The following MTMR7 variants were observed in gnomAD, a reference collection of about 807,000 sequenced individuals.
MTMR7 encodes myotubularin related protein 7.
A neutral mutation model predicts 81.2 loss-of-function variants in MTMR7; 76 were observed. The observed-to-expected ratio is 0.94, with a 90% CI of 0.78 to 1.13. The LOEUF (loss-of-function observed/expected upper bound fraction) is 1.13, where lower values mean the gene tolerates loss of function less well. MTMR7 is among the 50% of genes most tolerant of loss of function. The pLI, the probability that MTMR7 is intolerant of heterozygous loss-of-function variation, is 0.00. For synonymous variants in MTMR7, 372 were observed against 289.8 expected (o/e 1.28, Z -2.88); for missense variants, 1,044 against 820.0 (o/e 1.27, Z -3.34).
At chr8:17,353,421 G>A (rs147803999) in intron 4 of MTMR7, among the ~76,000 whole-genome samples, 1 of 151,942 alleles carries the variant, frequency 6.6e-6, no homozygotes, top group Admixed American at 6.6e-5. Flanking sequence ...GACTAAGATG[G>A]CAAACTTTAC....
intron 1 of MTMR7, among the ~76,000 whole-genome samples, chr8:17,393,206 G>T (rs191641616): frequency 1.3e-5 from 2 of 152,198 alleles, no homozygotes; most frequent in African/African-American, 2.4e-5. Flanking sequence ...ATGCTGCTGC[G>T]ACAACTGGAC....
chr8:17,384,797 GAACGTC>G (rs1226764555), intron 1 of MTMR7, among the ~76,000 whole-genome samples: 2 of 152,170 alleles, frequency 1.3e-5, no homozygotes, highest in African/African-American at 4.8e-5. Flanking sequence ...GAGAAATAAA[GAACGTC>G]AACTGTTTTT....
intron 1 of MTMR7, among the ~76,000 whole-genome samples, chr8:17,393,656 C>T (rs1017018040): frequency 1.3e-5 from 2 of 151,856 alleles, no homozygotes; most frequent in African/African-American, 2.4e-5. Context: ...GATGAGAACA[C>T]GTGGACACAT....
chr8:17,375,774 G>A (rs58383471), intron 1 of MTMR7, among the ~76,000 whole-genome samples: 4,222 of 152,126 alleles, frequency 0.028, 191 homozygotes, highest in African/African-American at 0.096. Context: ...ATAATGTGTT[G>A]CTTCCTTTCC....
chr8:17,403,643 T>G (rs1029671626), intron 1 of MTMR7, among the ~76,000 whole-genome samples: 2 of 152,142 alleles, frequency 1.3e-5, no homozygotes, highest in African/African-American at 4.8e-5. Context: ...GATTGTAAAT[T>G]TGTAGATTGC....
chr8:17,301,375 G>A (rs560338726), intron 13 of MTMR7, among the ~76,000 whole-genome samples: 1 of 152,166 alleles, frequency 6.6e-6, no homozygotes, highest in Non-Finnish European at 1.5e-5. Flanking sequence ...ATTTAAACTT[G>A]GACATTCTGG....
At chr8:17,381,766 T>G (rs1269849831) in intron 1 of MTMR7, among the ~76,000 whole-genome samples, 1 of 152,220 alleles carries the variant, frequency 6.6e-6, no homozygotes, top group African/African-American at 2.4e-5. Context: ...CAAGTTTATG[T>G]TCTAATCTAA....
intron 7 of MTMR7, among the ~76,000 whole-genome samples, chr8:17,327,771 T>C (rs1818764166): frequency 6.6e-6 from 1 of 152,224 alleles, no homozygotes; most frequent in Non-Finnish European, 1.5e-5. Flanking sequence ...TTGTAAAAAA[T>C]TGGGTGGCAA....
At position 17,361,114 on chromosome 8, in the gene MTMR7, C is replaced by T; in HGVS notation, c.468+3G>A. Reference sequence around the variant, plus strand: ...CTTCAGTGTTTGGGTTTCACGCACTCACTCTGTAGTCTCTATTCACATCGC... The same window carrying T: ...CTTCAGTGTTTGGGTTTCACGCACTTACTCTGTAGTCTCTATTCACATCGC... On this transcript the variant is annotated splice_donor_region_variant and intron_variant, in intron 4 of 13. Coordinates refer to ENST00000180173, the MANE Select transcript of MTMR7 (RefSeq NM_004686.5). 1 of 1,614,094 alleles carries T rather than the reference C, an allele frequency of 6.2e-7. No individual in the cohort carries two copies. Among genetic ancestry groups the T allele is most frequent in the Non-Finnish European group, 8.5e-7 (1 of 1,180,010 alleles).
chr8:17,382,963 C>T (rs1416365956), intron 1 of MTMR7, among the ~76,000 whole-genome samples: 1 of 152,240 alleles, frequency 6.6e-6, no homozygotes, highest in African/African-American at 2.4e-5. Flanking sequence ...GTAAGAAGCA[C>T]TCACAGGGCA....
intron 7 of MTMR7, 53 bp from the exon 8 acceptor site, chr8:17,313,454 C>T: frequency 1.7e-6 from 2 of 1,161,036 alleles, no homozygotes; most frequent in South Asian, 1.4e-5. Flanking sequence ...TCTCATTTTA[C>T]ATATGATCAT....
intron 6 of MTMR7, among the ~76,000 whole-genome samples, chr8:17,331,808 T>C (rs1819017927): frequency 6.6e-6 from 1 of 152,168 alleles, no homozygotes; most frequent in Admixed American, 6.5e-5. Context: ...TGAGCAGGAA[T>C]TACTGAATAA....
At position 17,361,263 on chromosome 8, in the gene MTMR7, C is replaced by T. The variant is rs761924224; in HGVS notation, c.322G>A (p.Glu108Lys). ...IRLARPVKYE[E>K]LYCFSFNPML... ...GGGTTGAATGAAAAGCAGTATAACT[C>T]CTCATATTTCACTGCAAGAAAAGGT... is the stretch of plus-strand genomic sequence containing the variant. The change falls in exon 4 of 14, where the codon GAG (glutamate) becomes AAG (lysine). Residue 108 changes from glutamate (E) to lysine (K), a missense_variant. By Grantham distance (56) the Glu-to-Lys change is moderately conservative. Coordinates refer to ENST00000180173, the MANE Select transcript of MTMR7 (RefSeq NM_004686.5). 3.1e-6 allele frequency: 5 copies of T among 1,614,114 alleles called. No individual in the cohort carries two copies. Among genetic ancestry groups the T allele is most frequent in the Non-Finnish European group, 3.4e-6 (4 of 1,179,986 alleles).
intron 1 of MTMR7, among the ~76,000 whole-genome samples, chr8:17,374,665 T>C (rs1036694119): frequency 2.0e-5 from 3 of 151,872 alleles, no homozygotes; most frequent in Non-Finnish European, 4.4e-5. Context: ...GCATAAAAAC[T>C]AGCCTGGGGT....
At chr8:17,344,904 C>T (rs903717933) in intron 5 of MTMR7, among the ~76,000 whole-genome samples, 2 of 152,006 alleles carry the variant, frequency 1.3e-5, no homozygotes, top group Non-Finnish European at 1.5e-5. Flanking sequence ...AGTTTTGTTT[C>T]CTCGAAATGT....
rs76132583 is a variant in MTMR7 at position 17,383,966 on chromosome 8, A to C, written c.25-10726T>G. Among the ~76,000 whole-genome samples, 621 of 152,310 alleles carry C rather than the reference A, an allele frequency of 4.1e-3. 6 individuals carry two copies. Among genetic ancestry groups the C allele is most frequent in the African/African-American group, 0.014 (579 of 41,570 alleles). The stretch of plus-strand genomic sequence containing the variant: ...ATATAGAAATTCTCAAGTCATTTTT[A>C]TTTATGACAGGTGTCACTGTCTGTA... On this transcript the variant is annotated intron_variant, in intron 1 of 13. Transcript: ENST00000180173.
chr8:17,325,890 G>C (rs544561781), intron 7 of MTMR7, among the ~76,000 whole-genome samples: 1 of 152,138 alleles, frequency 6.6e-6, no homozygotes, highest in African/African-American at 2.4e-5. Flanking sequence ...GCCCATCAAC[G>C]TATCCATTTC....
intron 1 of MTMR7, among the ~76,000 whole-genome samples, chr8:17,392,403 T>C (rs1178064453): frequency 1.3e-5 from 2 of 152,196 alleles, no homozygotes; most frequent in Non-Finnish European, 2.9e-5. Context: ...CTCACAAGCA[T>C]ATAAATGTTT....
chr8:17,305,332 T>C (rs1817380883), intron 11 of MTMR7, among the ~76,000 whole-genome samples: 1 of 152,248 alleles, frequency 6.6e-6, no homozygotes, highest in African/African-American at 2.4e-5. Context: ...TATCTACTTT[T>C]ACCCTTGGAT....
Sources: gnomAD v4.1 joint callset for allele counts (sites outside exome capture counted in the v4.1 genomes callset) on GRCh38, gnomAD v4.1.1 for gene constraint, MANE v1.5 for transcripts, NCBI Gene and HGNC (gene_info 2026-07-23, HGNC 2026-07-21) for gene names.